RNF213: variants seen among roughly 807,000 people sequenced by gnomAD.
RNF213 encodes the protein ring finger protein 213, also known as E3 ubiquitin-protein ligase RNF213.
Under a neutral mutation model 514.4 loss-of-function variants are expected in RNF213, and 341 were observed. That is an observed-to-expected ratio of 0.66 (90% confidence interval 0.61 to 0.73). RNF213 has a LOEUF of 0.73. RNF213 is among the 30% of genes least tolerant of loss of function. RNF213 has a pLI of 0.00. For synonymous variants in RNF213, 2,655 were observed against 2,658.2 expected (o/e 1.00, Z 0.04); for missense variants, 5,767 against 6,615.6 (o/e 0.87, Z 4.45).
chr17:80,336,147 C>T lies in RNF213; in HGVS notation c.4310-14C>T, dbSNP rs1475346753. On this transcript the variant is annotated splice_polypyrimidine_tract_variant and intron_variant, in intron 22 of 67. Coordinates refer to ENST00000582970, the MANE Select transcript of RNF213 (RefSeq NM_001256071.3). ...GAATAGTCCCACGCTGAACTCCCCT[C>T]TTCTCTTCCCCAGGCATCAATGAGC... The T allele has an allele frequency of 6.5e-7, 1 of 1,535,634 alleles. No individual in the cohort carries two copies. Among genetic ancestry groups the T allele is most frequent in the African/African-American group, 1.4e-5 (1 of 73,024 alleles).
chr17:80,299,090 G>A (rs554796573), intron 11 of RNF213, among the ~76,000 whole-genome samples: 15 of 152,338 alleles, frequency 9.8e-5, no homozygotes, highest in Middle Eastern at 6.8e-3. Flanking sequence ...ATATGGATTC[G>A]TGGGTGTTTT....
intron 2 of RNF213, among the ~76,000 whole-genome samples, chr17:80,266,716 G>A (rs1375799208): frequency 6.6e-6 from 1 of 151,796 alleles, no homozygotes; most frequent in Non-Finnish European, 1.5e-5. Flanking sequence ...TGGCCAGGTT[G>A]GTATCAAACT....
chr17:80,347,509 A>G lies in RNF213; in HGVS notation c.9174A>G (p.Thr3058=), dbSNP rs757970200. ...TGGCACTGCAGATCCTGCAGCAGAC[A>G]TTCTTCGAGGGGGACCAGCAGCCGG... The part of the protein sequence containing the change: ...NYVALQILQQ[T]FFEGDQQPEI... Residue 3058 remains threonine (T), a synonymous_variant, in exon 29 of 68, where the codon ACA becomes ACG. Transcript: ENST00000582970. The surrounding 1 kb of genome is among the most constrained non-coding windows in gnomAD (Gnocchi z 7.2). 1 of 1,614,002 alleles carries G rather than the reference A, an allele frequency of 6.2e-7. No homozygotes were observed. Among genetic ancestry groups the G allele is most frequent in the Non-Finnish European group, 8.5e-7 (1 of 1,180,052 alleles).
At position 80,379,584 on chromosome 17, in the gene RNF213, TCC is replaced by T. The variant is rs773336236; in HGVS notation, c.13546-35_13546-34del. The T allele has an allele frequency of 8.9e-6, 14 of 1,580,998 alleles. 1 individual carries two copies. The South Asian group carries it at 1.5e-4, about 17-fold the overall frequency. On this transcript the variant is annotated intron_variant, in intron 54 of 67. Transcript: ENST00000582970. ...GCATTTGTGCATAAAATGGTACTGCTCCAGAAGTGGTTCTAGTGCCCTGTCTT... is the reference window on the plus strand; with the variant it reads ...GCATTTGTGCATAAAATGGTACTGCTAGAAGTGGTTCTAGTGCCCTGTCTT...
chr17:80,354,310 A>G (rs552710282), intron 35 of RNF213, 131 bp from the exon 36 acceptor site: 1 of 1,500,230 alleles, frequency 6.7e-7, no homozygotes, highest in Non-Finnish European at 9.2e-7. Flanking sequence ...ATCTAAGAGC[A>G]TCTCTCAGAT....
rs374285482 is a variant in RNF213 at position 80,343,220 on chromosome 17, C to T, written c.6078C>T (p.Ile2026=). ...KNVPLKTIRL[I]DPQVDESRVL... The stretch of plus-strand genomic sequence containing the variant: ...TGCCTCTGAAAACAATTCGACTGAT[C>T]GACCCTCAGGTGGATGAGAGCCGAG... Residue 2026 remains isoleucine, a synonymous_variant, in exon 27 of 68, where the codon ATC becomes ATT. Coordinates refer to ENST00000582970, the MANE Select transcript of RNF213 (RefSeq NM_001256071.3). This position sits in a 1 kb window ranked among gnomAD's most constrained non-coding sequence, Gnocchi z 4.3. 5.8e-5 allele frequency: 94 copies of T among 1,613,876 alleles called. No homozygotes were observed. The highest frequency in any genetic ancestry group is 1.6e-4 in the Middle Eastern group (1 of 6,078).
At chr17:80,300,481 T>G (rs147416009) in intron 11 of RNF213, among the ~76,000 whole-genome samples, 1 of 152,222 alleles carries the variant, frequency 6.6e-6, no homozygotes, top group African/African-American at 2.4e-5. Context: ...TGACCTCAAG[T>G]GATCCACCTG....
At chr17:80,385,454 C>A in intron 60 of RNF213, 84 bp from the exon 61 acceptor site, 1 of 1,221,342 alleles carries the variant, frequency 8.2e-7, no homozygotes. Flanking sequence ...AAGATGGGCT[C>A]TCGGCAGAGC....
chr17:80,316,209 GC>G (rs2045943775), intron 15 of RNF213: 2 of 152,154 alleles, frequency 1.3e-5, no homozygotes, highest in Admixed American at 1.3e-4. Context: ...CTATGACTGT[GC>G]CACTGCACTC....
intron 49 of RNF213, among the ~76,000 whole-genome samples, chr17:80,373,553 T>C (rs1467912471): frequency 1.3e-5 from 2 of 152,108 alleles, no homozygotes; most frequent in Non-Finnish European, 2.9e-5. Context: ...TCACTTCTAA[T>C]TGAATTTCAC....
In RNF213 at chr17:80,276,677, A is replaced by G. The variant is rs145435944; in HGVS notation, c.261+3273A>G. On this transcript the variant is annotated intron_variant, in intron 3 of 67. Transcript: ENST00000582970. ...TTGATGAGGATGTGGAGAAATTGGA[A>G]GTGTTGTACAGTGTTGGTGGAAATG... is the stretch of plus-strand genomic sequence containing the variant. 6.7e-3 allele frequency among the ~76,000 whole-genome samples: 1,026 copies of G among 152,064 alleles called. 10 individuals are homozygous for G. Among genetic ancestry groups the G allele is most frequent in the African/African-American group, 0.024 (995 of 41,454 alleles).
rs772585503 is a variant in RNF213 at position 80,377,744 on chromosome 17, G to A, written c.13511-18G>A. ...GGTGAAACCTCATTAGCCAATGTGTGTCCTGTTCTCTTCACAGCTTGTCCC... is the reference window on the plus strand; with the variant it reads ...GGTGAAACCTCATTAGCCAATGTGTATCCTGTTCTCTTCACAGCTTGTCCC... On this transcript the variant is annotated intron_variant, in intron 53 of 67. Transcript: ENST00000582970. This position sits in a 1 kb window ranked among gnomAD's most constrained non-coding sequence, Gnocchi z 4.1. 2.5e-6 allele frequency: 4 copies of A among 1,614,024 alleles called. No individual in the cohort carries two copies. The highest frequency in any genetic ancestry group is 3.4e-6 in the Non-Finnish European group (4 of 1,179,986).
Position 80,295,802 on chromosome 17 carries a change from G to A in RNF213, c.2001G>A (p.Gly667=). ...ACCGTGACCTAAGCCACATCCTTGG[G>A]ATACCTCAGAGGTATTATTATTTTT... ...EFHRDLSHIL[G]IPQSWRLYLV... Residue 667 remains glycine, a synonymous_variant, in exon 10 of 68, where the codon GGG becomes GGA. Transcript: ENST00000582970. The A allele has an allele frequency of 6.2e-7, 1 of 1,614,130 alleles. No individual in the cohort carries two copies. Among genetic ancestry groups the A allele is most frequent in the Non-Finnish European group, 8.5e-7 (1 of 1,180,026 alleles).
In RNF213 at chr17:80,363,752, C is replaced by T; in HGVS notation, c.11712C>T (p.Gly3904=). Residue 3904 remains glycine (G), a synonymous_variant, in exon 41 of 68, where the codon GGC becomes GGT. Coordinates refer to ENST00000582970, the MANE Select transcript of RNF213 (RefSeq NM_001256071.3). Reference sequence around the variant, plus strand: ...TCTGCTCCGATGAGCACATGCAAGGCAGCGGGAGCCTGGCCCAGGCTGTCA... The same window carrying T: ...TCTGCTCCGATGAGCACATGCAAGGTAGCGGGAGCCTGGCCCAGGCTGTCA... ...ELICSDEHMQ[G]SGSLAQAVIR... 2 of 1,613,790 alleles carry T rather than the reference C, an allele frequency of 1.2e-6. No homozygotes were observed. Among genetic ancestry groups the T allele is most frequent in the Non-Finnish European group, 1.7e-6 (2 of 1,180,018 alleles).
chr17:80,384,977 T>TA (rs1438442981), intron 59 of RNF213, 62 bp from the exon 60 acceptor site: 1 of 1,574,250 alleles, frequency 6.4e-7, no homozygotes, highest in Non-Finnish European at 8.7e-7. Context: ...TCAAAGTCTG[T>TA]AACCCCAATA....
chr17:80,294,851 G>A lies in RNF213; in HGVS notation c.1603G>A (p.Asp535Asn). The A allele has an allele frequency of 6.2e-7, 1 of 1,614,194 alleles. No homozygotes were observed. Among genetic ancestry groups the A allele is most frequent in the South Asian group, 1.1e-5 (1 of 91,082 alleles). The change falls in exon 9 of 68, where the codon GAC (aspartate) becomes AAC (asparagine). Residue 535 changes from aspartate (D) to asparagine (N), a missense_variant. Physicochemically the swap from Asp to Asn is conservative, Grantham distance 23. Transcript: ENST00000582970. The stretch of plus-strand genomic sequence containing the variant: ...GCAGATTGCCGCTGCGCTCATGCTG[G>A]ACAGCACCTTCAGCATCCTGCAGAC... Reference protein sequence around the residue: ...GKQIAAALMLDSTFSILQTWD... With the variant: ...GKQIAAALMLNSTFSILQTWD...
At chr17:80,369,205 C>G (rs550995144) in intron 44 of RNF213, among the ~76,000 whole-genome samples, 41 of 152,216 alleles carry the variant, frequency 2.7e-4, no homozygotes, top group Non-Finnish European at 5.3e-4. Context: ...TCGAAACCAG[C>G]CTGGCCAACA....
rs1443232904 is a variant in RNF213, at chr17:80,317,635, TGCTTTGGGAGCTGGCAGGAGCAA to T, written c.2901+362_2901+384del. 1.3e-5 allele frequency among the ~76,000 whole-genome samples: 2 copies of T among 152,170 alleles called. No homozygotes were observed. Among genetic ancestry groups the T allele is most frequent in the African/African-American group, 4.8e-5 (2 of 41,454 alleles). Reference sequence around the variant, plus strand: ...TGAGTGAGTGTGGCATCTGGCCAGCTGCTTTGGGAGCTGGCAGGAGCAAGCTCCGTGCAGGCCCTGCAGCAGTG... The same window carrying T: ...TGAGTGAGTGTGGCATCTGGCCAGCTGCTCCGTGCAGGCCCTGCAGCAGTG... On this transcript the variant is annotated intron_variant, in intron 16 of 67. Coordinates refer to ENST00000582970, the MANE Select transcript of RNF213 (RefSeq NM_001256071.3). This position sits in a 1 kb window ranked among gnomAD's most constrained non-coding sequence, Gnocchi z 4.1.
intron 65 of RNF213, 30 bp from the exon 66 acceptor site, chr17:80,389,798 C>G (rs1200339032): frequency 6.3e-7 from 1 of 1,593,056 alleles, no homozygotes; most frequent in Admixed American, 1.7e-5. Context: ...AGACCTCAGC[C>G]CCCACTCAGG....
Sources: allele counts gnomAD v4.1 joint callset (sites outside exome capture counted in the v4.1 genomes callset), GRCh38; gene constraint gnomAD v4.1.1; non-coding constraint Gnocchi (gnomAD v3.1); transcripts MANE v1.5; gene names NCBI Gene and HGNC (gene_info 2026-07-23, HGNC 2026-07-21).